Variants in ZNF740 observed in about 807,000 individuals in gnomAD.
ZNF740 encodes the protein oriLyt TD-element-binding protein 7.
ZNF740 carries 14 observed loss-of-function variants against 24.8 expected under a neutral mutation model. The observed-to-expected ratio is 0.56, with a 90% confidence interval of 0.37 to 0.88. ZNF740 has a LOEUF of 0.88. ZNF740 is among the 40% of genes least tolerant of loss of function. ZNF740 has a pLI of 0.00. For missense variants in ZNF740, 201 were observed against 247.9 expected (o/e 0.81, Z 1.27); for synonymous variants, 69 against 84.0 (o/e 0.82, Z 0.98).
At chr12:53,182,217 G>A in intron 2 of ZNF740, 1 of 590,512 alleles carries the variant, frequency 1.7e-6, no homozygotes. Flanking sequence ...CACAGGCACT[G>A]ATGGGACATT....
At chr12:53,180,980 G>T in intron 1 of ZNF740, 143 bp downstream of exon 1, 1 of 772,952 alleles carries the variant, frequency 1.3e-6, no homozygotes, top group Non-Finnish European at 1.6e-6. Flanking sequence ...CTCCGGGGGA[G>T]GGAGGGGAAA....
In ZNF740 at chr12:53,191,840, A is replaced by C; in HGVS notation, c.*4250A>C. 1 of 1,613,424 alleles carries C rather than the reference A, an allele frequency of 6.2e-7. No individual in the cohort carries two copies. Among genetic ancestry groups the C allele is most frequent in the Non-Finnish European group, 8.5e-7 (1 of 1,179,898 alleles). ...TGGGGGAACAGCTAAAAAGGGGCCT[A>C]ACCAGGAAGTCTCCTCACCTGCTTC... On this transcript the variant is annotated 3_prime_UTR_variant, in exon 7 of 7. Transcript: ENST00000416904.
At position 53,193,818 on chromosome 12, in the gene ZNF740, C is replaced by T. The variant is rs1319221852; in HGVS notation, c.*6228C>T. ...GCGTGTGCAACTCCACAATCAGCTCCTCTGAGAAGCCAAGGGCCCGGAGCC... is the reference window on the plus strand; with the variant it reads ...GCGTGTGCAACTCCACAATCAGCTCTTCTGAGAAGCCAAGGGCCCGGAGCC... On this transcript the variant is annotated 3_prime_UTR_variant, in exon 7 of 7. Coordinates refer to ENST00000416904, the MANE Select transcript of ZNF740 (RefSeq NM_001004304.4). 6.2e-7 allele frequency: 1 copy of T among 1,614,104 alleles called. No individual in the cohort carries two copies.
chr12:53,183,796 G>A (rs1941756105), intron 2 of ZNF740, among the ~76,000 whole-genome samples: 1 of 152,084 alleles, frequency 6.6e-6, no homozygotes, highest in Admixed American at 6.5e-5. Flanking sequence ...GACTGAGGCT[G>A]GAGGATTGTT....
At chr12:53,185,919 G>A in intron 4 of ZNF740, 35 bp from the exon 5 acceptor site, 1 of 1,610,310 alleles carries the variant, frequency 6.2e-7, no homozygotes, top group Non-Finnish European at 8.5e-7. Flanking sequence ...AGAGGGCAGT[G>A]GTGGCCTCAT....
In ZNF740 at chr12:53,192,095, A is replaced by G; in HGVS notation, c.*4505A>G. The G allele has an allele frequency of 3.3e-6, 5 of 1,521,078 alleles. No individual in the cohort carries two copies. The highest frequency in any genetic ancestry group is 4.5e-6 in the Non-Finnish European group (5 of 1,122,192). The allele number at this position is 1,521,078 out of a possible 1,614,324, so 94.2% of individuals were successfully genotyped here. On this transcript the variant is annotated 3_prime_UTR_variant, in exon 7 of 7. Transcript: ENST00000416904. Reference sequence around the variant, plus strand: ...ATCATCAGTTGCTCACAGTGTGTCCAGCCTGTCCAACCCTGTCTGTCACTG... The same window carrying G: ...ATCATCAGTTGCTCACAGTGTGTCCGGCCTGTCCAACCCTGTCTGTCACTG...
intron 2 of ZNF740, among the ~76,000 whole-genome samples, chr12:53,184,140 TGTGTGTGTGTGCGCGCGC>T (rs1295714879): frequency 2.2e-5 from 3 of 134,040 alleles, no homozygotes; most frequent in African/African-American, 1.0e-4. Context: ...TGTGTGTGTG[TGTGTGTGTGTGCGCGCGC>T]GCGCTCTGAA....
chr12:53,190,299 G>A lies in ZNF740; in HGVS notation c.*2709G>A, dbSNP rs139349151. 3 of 152,840 alleles carry A rather than the reference G, an allele frequency of 2.0e-5. No homozygotes were observed. The highest frequency in any genetic ancestry group is 7.2e-5 in the African/African-American group (3 of 41,570). The allele number at this position is 152,840 out of a possible 1,614,324, so 9.5% of individuals were successfully genotyped here. A position where few individuals can be genotyped will look rare whatever the true frequency, so the allele number is the denominator to read the frequency against. On this transcript the variant is annotated 3_prime_UTR_variant, in exon 7 of 7. Coordinates refer to ENST00000416904, the MANE Select transcript of ZNF740 (RefSeq NM_001004304.4). ...TGGGCCCAATGCCCGACCCCTGCTG[G>A]CCAGCATGGGGCCTAGCACTGGAAG...
Position 53,192,119 on chromosome 12 carries a change from TGAAA to T in ZNF740, c.*4531_*4534del. On this transcript the variant is annotated 3_prime_UTR_variant, in exon 7 of 7. Coordinates refer to ENST00000416904, the MANE Select transcript of ZNF740 (RefSeq NM_001004304.4). ...CAGCCTGTCCAACCCTGTCTGTCACTGAAAGCAAAGGGAACCCAGGGAGGTCCAA... is the reference window on the plus strand; with the variant it reads ...CAGCCTGTCCAACCCTGTCTGTCACTGCAAAGGGAACCCAGGGAGGTCCAA... 1 of 1,445,840 alleles carries T rather than the reference TGAAA, an allele frequency of 6.9e-7. No homozygotes were observed. The highest frequency in any genetic ancestry group is 9.3e-7 in the Non-Finnish European group (1 of 1,072,060). The allele number at this position is 1,445,840 out of a possible 1,614,324, so 89.6% of individuals were successfully genotyped here.
chr12:53,191,876 G>A lies in ZNF740; in HGVS notation c.*4286G>A. The A allele has an allele frequency of 6.2e-7, 1 of 1,613,484 alleles. No individual in the cohort carries two copies. The highest frequency in any genetic ancestry group is 1.7e-5 in the Admixed American group (1 of 60,014). On this transcript the variant is annotated 3_prime_UTR_variant, in exon 7 of 7. Transcript: ENST00000416904. ...CTCCTCACCTGCTTCCAGTTGAGTT[G>A]TTGCTGCTCCTTCTCAAAGCGACTG...
In ZNF740 at chr12:53,182,156, C is replaced by T. The variant is rs1941669653; in HGVS notation, c.9+164C>T. On this transcript the variant is annotated intron_variant, in intron 2 of 6. Coordinates refer to ENST00000416904, the MANE Select transcript of ZNF740 (RefSeq NM_001004304.4). ...GAAGGAAAGGAGACAGGCCACAGCC[C>T]CTGCCTTCAGGGAGCTTCCAGTCAA... 1.3e-5 allele frequency: 13 copies of T among 990,960 alleles called. No individual in the cohort carries two copies. In the East Asian group the frequency reaches 3.4e-4, roughly 26 times the overall value. The allele number at this position is 990,960 out of a possible 1,614,324, so 61.4% of individuals were successfully genotyped here.
rs748710137 is a variant in ZNF740, at chr12:53,194,253, C to G, written c.*6663C>G. ...TCCTCGATCCTCAGCCTTACCCTCCCTCTTCTCAGGACCCTCACACTGGGA... is the reference window on the plus strand; with the variant it reads ...TCCTCGATCCTCAGCCTTACCCTCCGTCTTCTCAGGACCCTCACACTGGGA... On this transcript the variant is annotated 3_prime_UTR_variant, in exon 7 of 7. Coordinates refer to ENST00000416904, the MANE Select transcript of ZNF740 (RefSeq NM_001004304.4). 1 of 1,614,122 alleles carries G rather than the reference C, an allele frequency of 6.2e-7. No homozygotes were observed. The highest frequency in any genetic ancestry group is 8.5e-7 in the Non-Finnish European group (1 of 1,180,020).
chr12:53,185,628 A>G (rs1941807985), intron 4 of ZNF740, among the ~76,000 whole-genome samples, 152 bp downstream of exon 4: 1 of 152,172 alleles, frequency 6.6e-6, no homozygotes, highest in East Asian at 1.9e-4. Context: ...TCCAGAGACT[A>G]CCTTGGTAGT....
In ZNF740 at chr12:53,193,361, C is replaced by A; in HGVS notation, c.*5771C>A. 6.3e-7 allele frequency: 1 copy of A among 1,576,040 alleles called. No individual in the cohort carries two copies. Among genetic ancestry groups the A allele is most frequent in the Non-Finnish European group, 8.6e-7 (1 of 1,157,148 alleles). On this transcript the variant is annotated 3_prime_UTR_variant, in exon 7 of 7. Coordinates refer to ENST00000416904, the MANE Select transcript of ZNF740 (RefSeq NM_001004304.4). ...GAGCCGACCTAGGCGGCCAGGGGCA[C>A]AGCTGGAAGGGGAAGGCAAAGGAGA...
rs143795685 is a variant in ZNF740 at position 53,184,176 on chromosome 12, GGTGT to G, written c.10-693_10-690del. On this transcript the variant is annotated intron_variant, in intron 2 of 6. Transcript: ENST00000416904. Reference sequence around the variant, plus strand: ...GCGCGCGCGCGCTCTGAAGCTAAGGGGTGTGTGTGTGTGTGTGTGTGTGTGAGTG... The same window carrying G: ...GCGCGCGCGCGCTCTGAAGCTAAGGGGTGTGTGTGTGTGTGTGTGTGAGTG... Among the ~76,000 whole-genome samples the G allele has an allele frequency of 2.3e-4, 30 of 128,114 alleles. No individual in the cohort carries two copies. The Middle Eastern group carries it at 0.016, about 68-fold the overall frequency. 84.0% of individuals were successfully genotyped at this position (128,114 alleles called of 152,430 possible).
intron 2 of ZNF740, 63 bp from the exon 3 acceptor site, chr12:53,184,828 A>G: frequency 6.4e-7 from 1 of 1,552,476 alleles, no homozygotes; most frequent in African/African-American, 1.4e-5. Flanking sequence ...TCTATAGAGG[A>G]TGGCAGTCTG....
chr12:53,184,246 T>A (rs1592386516), intron 2 of ZNF740, among the ~76,000 whole-genome samples: 1 of 149,766 alleles, frequency 6.7e-6, no homozygotes, highest in South Asian at 2.2e-4. Context: ...TGGAGTGCAG[T>A]GGCGCGATTT....
rs1941856366 is a variant in ZNF740, at chr12:53,187,946, A to AG, written c.*360dup. On this transcript the variant is annotated 3_prime_UTR_variant, in exon 7 of 7. Transcript: ENST00000416904. Reference sequence around the variant, plus strand: ...CAGCTGAAATGGAAAAGATTGGGGAAGGGGATTTGTTTGTTCTGTTCTTGT... The same window carrying AG: ...CAGCTGAAATGGAAAAGATTGGGGAAGGGGGATTTGTTTGTTCTGTTCTTGT... The AG allele has an allele frequency of 7.7e-6, 2 of 259,438 alleles. No individual in the cohort carries two copies. Among genetic ancestry groups the AG allele is most frequent in the South Asian group, 5.9e-5 (1 of 16,976 alleles). 16.1% of individuals were successfully genotyped at this position (259,438 alleles called of 1,614,324 possible).
At position 53,191,567 on chromosome 12, in the gene ZNF740, G is replaced by A. The variant is rs745529299; in HGVS notation, c.*3977G>A. 2 of 1,611,538 alleles carry A rather than the reference G, an allele frequency of 1.2e-6. No homozygotes were observed. Among genetic ancestry groups the A allele is most frequent in the Non-Finnish European group, 1.7e-6 (2 of 1,177,742 alleles). On this transcript the variant is annotated 3_prime_UTR_variant, in exon 7 of 7. Transcript: ENST00000416904. ...TGTCCCTCCCTCCTTCAGAGAGTGG[G>A]ACTGTCTGCCTCTTGAAAGCGAGGA...
Sources: gnomAD v4.1 joint callset for allele counts (sites outside exome capture counted in the v4.1 genomes callset) on GRCh38, gnomAD v4.1.1 for gene constraint, MANE v1.5 for transcripts, NCBI Gene and HGNC (gene_info 2026-07-23, HGNC 2026-07-21) for gene names.